Variants in CEP83 observed in about 807,000 individuals in gnomAD.
The protein encoded by CEP83 is centrosomal protein of 83 kDa.
In CEP83, 70 loss-of-function variants were observed where a neutral mutation model predicts 101.9. The ratio of observed to expected loss-of-function variants is 0.69; its 90% CI spans 0.57 to 0.84. The LOEUF is 0.84. CEP83 is among the 40% of genes least tolerant of loss of function. The probability of loss-of-function intolerance (pLI) is 0.00; values close to 1 mark genes in which losing one functional copy is unlikely to be tolerated. For missense variants in CEP83, 715 were observed against 787.2 expected (o/e 0.91, Z 1.10); for synonymous variants, 264 against 267.9 (o/e 0.99, Z 0.14).
the CEP83 span, among the ~76,000 whole-genome samples, chr12:94,269,143 GT>G: frequency 6.6e-6 from 1 of 152,166 alleles, no homozygotes; most frequent in Non-Finnish European, 1.5e-5. Flanking sequence ...AGGTTGACTT[GT>G]AATCAAAGTT....
At chr12:94,328,821 G>A (rs918265124) in intron 14 of CEP83, among the ~76,000 whole-genome samples, 1 of 152,308 alleles carries the variant, frequency 6.6e-6, no homozygotes, top group Non-Finnish European at 1.5e-5. Flanking sequence ...ACCAGACTGA[G>A]AACAGAAACA....
chr12:94,346,447 C>CA (rs201802151), intron 11 of CEP83, among the ~76,000 whole-genome samples: 16,594 of 91,062 alleles, frequency 0.18, 1,077 homozygotes, highest in African/African-American at 0.27. Context: ...GACGCCGTCT[C>CA]AAAAAAAAAA....
chr12:94,355,521 C>CAAA (rs2060423759), intron 11 of CEP83, among the ~76,000 whole-genome samples: 1 of 152,074 alleles, frequency 6.6e-6, no homozygotes, highest in African/African-American at 2.4e-5. Context: ...CAAGAACAAA[C>CAAA]AAAGCCCAAA....
chr12:94,288,627 C>T, the CEP83 span, among the ~76,000 whole-genome samples: 1 of 152,256 alleles, frequency 6.6e-6, no homozygotes, highest in Admixed American at 6.5e-5. Flanking sequence ...CTGACGGCCC[C>T]TTCCAATGCA....
chr12:94,306,254 T>TCGAATCATTTTACATTTC (rs1565879854), downstream of CEP83: 1 of 151,996 alleles, frequency 6.6e-6, no homozygotes, highest in Non-Finnish European at 1.5e-5. Flanking sequence ...TTTTACATTT[T>TCGAATCATTTTACATTTC]ATCGAATTGC....
intron 1 of CEP83, among the ~76,000 whole-genome samples, chr12:94,449,966 T>C (rs80136609): frequency 0.029 from 4,365 of 152,122 alleles, 232 homozygotes; most frequent in African/African-American, 0.1. Flanking sequence ...CCACTCATGA[T>C]TAAAAACTTG....
At chr12:94,346,259 G>A (rs1041291262) in intron 11 of CEP83, among the ~76,000 whole-genome samples, 2 of 151,932 alleles carry the variant, frequency 1.3e-5, no homozygotes, top group African/African-American at 4.8e-5. Flanking sequence ...CACTATGTTG[G>A]TCAGGCTGGT....
chr12:94,425,510 T>C (rs866132990), intron 2 of CEP83, among the ~76,000 whole-genome samples: 18 of 152,320 alleles, frequency 1.2e-4, no homozygotes, highest in Middle Eastern at 3.4e-3. Context: ...TTGCAAGTAA[T>C]AAAATCCTCA....
At chr12:94,437,552 C>T (rs1474785562) in intron 1 of CEP83, among the ~76,000 whole-genome samples, 1 of 152,212 alleles carries the variant, frequency 6.6e-6, no homozygotes, top group Non-Finnish European at 1.5e-5. Context: ...AGAAACCCTA[C>T]AAGCTAGAAG....
chr12:94,414,338 G>A (rs1335665303), intron 2 of CEP83, among the ~76,000 whole-genome samples: 2 of 152,186 alleles, frequency 1.3e-5, no homozygotes, highest in African/African-American at 4.8e-5. Flanking sequence ...AATCTTTCAT[G>A]AAAGGAAGAG....
chr12:94,410,012 T>A (rs1015997348), intron 4 of CEP83, among the ~76,000 whole-genome samples: 76 of 152,176 alleles, frequency 5.0e-4, no homozygotes, highest in African/African-American at 1.8e-3. Context: ...TGGTTGGGGA[T>A]ACAACTCAAC....
chr12:94,434,992 T>C (rs1244267877), intron 2 of CEP83, among the ~76,000 whole-genome samples: 1 of 152,206 alleles, frequency 6.6e-6, no homozygotes, highest in East Asian at 1.9e-4. Flanking sequence ...ACTAGTCCCT[T>C]CACTTGAACT....
rs1007713848 is a variant in CEP83 at position 94,423,763 on chromosome 12, G to C, written c.-101-11172C>G. The C allele has an allele frequency of 5.0e-6, 8 of 1,613,444 alleles. No individual in the cohort carries two copies. The Admixed American group carries it at 1.3e-4, about 27-fold the overall frequency. ...CCACTGTTACTTGTTGAACTGGAAA[G>C]AATAGACCCCATGCTCTGAGGGTGT... On this transcript the variant is annotated intron_variant, in intron 2 of 16. Transcript: ENST00000397809.
At chr12:94,417,791 AATACATACATAC>A (rs58871460) in intron 2 of CEP83, among the ~76,000 whole-genome samples, 5 of 151,572 alleles carry the variant, frequency 3.3e-5, no homozygotes, top group Non-Finnish European at 7.4e-5. Flanking sequence ...CCATCTCAAA[AATACATACATAC>A]ATACATACAT....
At chr12:94,447,527 C>T (rs898342447) in intron 1 of CEP83, among the ~76,000 whole-genome samples, 4 of 152,022 alleles carry the variant, frequency 2.6e-5, no homozygotes, top group Non-Finnish European at 5.9e-5. Flanking sequence ...TAATACTCTA[C>T]AGGAGAATGA....
the CEP83 span, among the ~76,000 whole-genome samples, chr12:94,275,734 A>G: frequency 1.6e-5 from 2 of 128,232 alleles, 1 homozygote; most frequent in African/African-American, 6.2e-5. Context: ...GGGCGCCTGT[A>G]GTCCCAGCTA....
Position 94,411,685 on chromosome 12 carries a change from A to T in CEP83, c.324+12T>A, listed in dbSNP as rs200764782. The T allele has an allele frequency of 2.0e-3, 3,201 of 1,584,074 alleles. 41 individuals carry two copies. The highest frequency in any genetic ancestry group is 7.1e-4 in the Non-Finnish European group (829 of 1,165,744). On this transcript the variant is annotated intron_variant, in intron 4 of 16. Transcript: ENST00000397809. ...TTTTATACTAACTCAAAACTCAAATATATTTTCTCACCTGCAGTTTCATTT... is the reference window on the plus strand; with the variant it reads ...TTTTATACTAACTCAAAACTCAAATTTATTTTCTCACCTGCAGTTTCATTT...
At chr12:94,439,699 G>A (rs1255965493) in intron 1 of CEP83, among the ~76,000 whole-genome samples, 1 of 152,068 alleles carries the variant, frequency 6.6e-6, no homozygotes, top group South Asian at 2.1e-4. Flanking sequence ...TATGAAGCCA[G>A]TATTATCCTA....
At chr12:94,279,177 G>C in the CEP83 span, among the ~76,000 whole-genome samples, 1 of 152,062 alleles carries the variant, frequency 6.6e-6, no homozygotes, top group Admixed American at 6.5e-5. Flanking sequence ...GGAGAAATTA[G>C]AAATCACCAA....
Sources: gnomAD v4.1 joint callset for allele counts (sites outside exome capture counted in the v4.1 genomes callset) on GRCh38, gnomAD v4.1.1 for gene constraint, MANE v1.5 for transcripts, NCBI Gene and HGNC (gene_info 2026-07-23, HGNC 2026-07-21) for gene names.